The following FRMD3 variants were observed in gnomAD, a reference collection of about 807,000 sequenced individuals.
FRMD3 encodes the protein FERM domain-containing protein 3.
A neutral mutation model predicts 70.2 loss-of-function variants in FRMD3; 33 were observed. The ratio of observed to expected loss-of-function variants is 0.47; its 90% CI spans 0.36 to 0.63. The LOEUF is 0.63. Among genes scored for constraint, FRMD3 ranks in the 20% least tolerant of loss-of-function variants. FRMD3 has a pLI of 0.00. For synonymous variants in FRMD3, 279 were observed against 255.9 expected, an observed-to-expected ratio of 1.09 and a Z score of -0.86; for missense variants, 632 against 711.4, an observed-to-expected ratio of 0.89 and a Z score of 1.27.
intron 1 of FRMD3, among the ~76,000 whole-genome samples, chr9:83,429,764 A>T (rs570723462): frequency 4.6e-5 from 7 of 152,070 alleles, no homozygotes; most frequent in Non-Finnish European, 1.0e-4. Flanking sequence ...TTTGCCCCTT[A>T]TTCTTTATCC....
intron 1 of FRMD3, among the ~76,000 whole-genome samples, chr9:83,477,507 A>G (rs1439150875): frequency 6.6e-6 from 1 of 152,114 alleles, no homozygotes; most frequent in Non-Finnish European, 1.5e-5. Context: ...TGTCTGGGCC[A>G]CTGGGATTTG....
intron 1 of FRMD3, among the ~76,000 whole-genome samples, chr9:83,489,848 C>T (rs368829403): frequency 1.4e-4 from 21 of 152,302 alleles, no homozygotes; most frequent in African/African-American, 4.8e-4. Flanking sequence ...ATCAATATGG[C>T]AACCAGTACG....
intron 1 of FRMD3, among the ~76,000 whole-genome samples, chr9:83,511,229 C>A (rs763386130): frequency 1.3e-5 from 2 of 152,144 alleles, no homozygotes; most frequent in Non-Finnish European, 2.9e-5. Context: ...ATAAACAGAA[C>A]CTGAGTCATT....
intron 3 of FRMD3, among the ~76,000 whole-genome samples, chr9:83,363,755 C>T (rs1824694370): frequency 2.0e-5 from 3 of 152,144 alleles, no homozygotes; most frequent in South Asian, 2.1e-4. Context: ...GGGGTTTCAC[C>T]ATGTTAGCCA....
chr9:83,490,857 A>G (rs1828808787), intron 1 of FRMD3, among the ~76,000 whole-genome samples: 1 of 151,048 alleles, frequency 6.6e-6, no homozygotes, highest in African/African-American at 2.4e-5. Flanking sequence ...AATAGCAGCC[A>G]TTTAGAAAGC....
intron 6 of FRMD3, among the ~76,000 whole-genome samples, chr9:83,334,214 A>G (rs949579524): frequency 6.6e-6 from 1 of 152,340 alleles, no homozygotes; most frequent in Non-Finnish European, 1.5e-5. Context: ...ATAGCAAAAG[A>G]GTAGTGAGAA....
At chr9:83,448,411 T>C (rs1410108723) in intron 1 of FRMD3, among the ~76,000 whole-genome samples, 2 of 151,946 alleles carry the variant, frequency 1.3e-5, no homozygotes, top group Admixed American at 1.3e-4. Flanking sequence ...ACTGCTGAGG[T>C]TGAATATAGT....
the FRMD3 span, among the ~76,000 whole-genome samples, chr9:83,556,006 G>C: frequency 2.0e-5 from 3 of 152,154 alleles, no homozygotes; most frequent in Non-Finnish European, 4.4e-5. Context: ...TTCATTCTCT[G>C]TGGGTCAAAC....
At chr9:83,295,375 A>G (rs998171396) in intron 12 of FRMD3, among the ~76,000 whole-genome samples, 6 of 152,210 alleles carry the variant, frequency 3.9e-5, no homozygotes, top group African/African-American at 1.4e-4. Context: ...CCTTGAAATT[A>G]AAAGAAGTAG....
rs575490579 is a variant in FRMD3, at chr9:83,287,670, A to G, written c.1195+2933T>C. The stretch of plus-strand genomic sequence containing the variant: ...GGTGAAACAGACCACTCCGTTACCA[A>G]CTCTTCCTGTCCATCTCTCCCATTT... On this transcript the variant is annotated intron_variant, in intron 13 of 13. Transcript: ENST00000304195. Among the ~76,000 whole-genome samples the G allele has an allele frequency of 2.6e-5, 4 of 151,944 alleles. No individual in the cohort carries two copies. In the South Asian group the frequency reaches 8.4e-4, roughly 32 times the overall value.
intron 1 of FRMD3, among the ~76,000 whole-genome samples, chr9:83,418,343 C>T (rs989062809): frequency 2.0e-5 from 3 of 151,960 alleles, no homozygotes; most frequent in African/African-American, 7.3e-5. Context: ...AAACAGACAA[C>T]CCACAGAAAG....
intron 10 of FRMD3, among the ~76,000 whole-genome samples, chr9:83,308,458 A>G (rs1835224877): frequency 6.6e-6 from 1 of 152,164 alleles, no homozygotes; most frequent in Non-Finnish European, 1.5e-5. Context: ...CAGCATTTTC[A>G]GGGAGATGAG....
chr9:83,261,611 G>C (rs753359825), intron 13 of FRMD3, among the ~76,000 whole-genome samples: 8 of 152,038 alleles, frequency 5.3e-5, no homozygotes, highest in Non-Finnish European at 1.0e-4. Flanking sequence ...CCTCTTTCTT[G>C]GTGTTTCAAC....
chr9:83,399,434 A>G (rs1825891636), intron 1 of FRMD3, among the ~76,000 whole-genome samples: 2 of 152,160 alleles, frequency 1.3e-5, no homozygotes, highest in Non-Finnish European at 2.9e-5. Flanking sequence ...TTGATTTGTC[A>G]GCTCTTCTTA....
intron 3 of FRMD3, among the ~76,000 whole-genome samples, chr9:83,365,469 T>C (rs1240841339): frequency 1.3e-5 from 2 of 152,204 alleles, no homozygotes; most frequent in African/African-American, 4.8e-5. Flanking sequence ...CAGTTAGTGC[T>C]TGTGTATAAG....
rs111693842 is a variant in FRMD3 at position 83,402,786 on chromosome 9, A to G, written c.148-13078T>C. Among the ~76,000 whole-genome samples, 671 of 152,218 alleles carry G rather than the reference A, an allele frequency of 4.4e-3. 3 individuals are homozygous for G. The highest frequency in any genetic ancestry group is 0.015 in the African/African-American group (641 of 41,532). On this transcript the variant is annotated intron_variant, in intron 1 of 13. Transcript: ENST00000304195. ...ATTATTAGTTTTCAAGAAACATTAA[A>G]GAGAGCCTACGGTCTAAACCACAGT...
intron 1 of FRMD3, among the ~76,000 whole-genome samples, chr9:83,444,527 T>G (rs1252087731): frequency 6.6e-6 from 1 of 152,214 alleles, no homozygotes; most frequent in African/African-American, 2.4e-5. Flanking sequence ...TTCCTTTGGC[T>G]CTGCAGAAGT....
At chr9:83,287,970 C>A (rs1834283093) in intron 13 of FRMD3, among the ~76,000 whole-genome samples, 1 of 152,148 alleles carries the variant, frequency 6.6e-6, no homozygotes, top group South Asian at 2.1e-4. Context: ...ACAGGGTGTA[C>A]AACTTGTATT....
Position 83,246,665 on chromosome 9 carries a change from T to G in FRMD3, c.*1253A>C. ...TATTCTCTCTCTCTCTCTCTCTCTC[T>G]CTCTCACACACACACACACGCACAC... On this transcript the variant is annotated 3_prime_UTR_variant, in exon 14 of 14. Transcript: ENST00000304195. 2.1e-6 allele frequency: 2 copies of G among 955,722 alleles called. No homozygotes were observed. Among genetic ancestry groups the G allele is most frequent in the Non-Finnish European group, 1.2e-6 (1 of 813,994 alleles). 59.2% of individuals were successfully genotyped at this position (955,722 alleles called of 1,614,324 possible). A position where few individuals can be genotyped will look rare whatever the true frequency, so the allele number is the denominator to read the frequency against.
Sources: allele counts gnomAD v4.1 joint callset (sites outside exome capture counted in the v4.1 genomes callset), GRCh38; gene constraint gnomAD v4.1.1; transcripts MANE v1.5; gene names NCBI Gene and HGNC (gene_info 2026-07-23, HGNC 2026-07-21).